Variants in ZNF217 observed in about 807,000 individuals in gnomAD.
ZNF217 encodes the protein zinc finger protein 217.
Under a neutral mutation model 73.3 loss-of-function variants are expected in ZNF217, and 12 were observed. The ratio of observed to expected loss-of-function variants is 0.16; its 90% CI spans 0.10 to 0.27. ZNF217 has a LOEUF of 0.27. ZNF217 is among the 10% of genes least tolerant of loss of function. The probability of loss-of-function intolerance (pLI) is 1.00; values close to 1 mark genes in which losing one functional copy is unlikely to be tolerated. For synonymous variants in ZNF217, 588 were observed against 516.4 expected, an observed-to-expected ratio of 1.14 and a Z score of -1.88; for missense variants, 1,195 against 1,327.8, an observed-to-expected ratio of 0.90 and a Z score of 1.55.
Position 53,569,215 on chromosome 20 carries a change from T to C in ZNF217, c.*73A>G, listed in dbSNP as rs1263646250. 1 of 1,351,590 alleles carries C rather than the reference T, an allele frequency of 7.4e-7. No individual in the cohort carries two copies. The highest frequency in any genetic ancestry group is 2.0e-5 in the Admixed American group (1 of 50,028). The allele number at this position is 1,351,590 out of a possible 1,614,324, so 83.7% of individuals were successfully genotyped here. Reference sequence around the variant, plus strand: ...CTTTCACCATTCGCTTCTCAAAGGATGAAGTAAAATTTAATTTCATGGGGA... The same window carrying C: ...CTTTCACCATTCGCTTCTCAAAGGACGAAGTAAAATTTAATTTCATGGGGA... On this transcript the variant is annotated 3_prime_UTR_variant, in exon 6 of 6. Transcript: ENST00000371471.
chr20:53,586,360 C>A (rs1279535382), intron 1 of ZNF217, among the ~76,000 whole-genome samples: 1 of 152,158 alleles, frequency 6.6e-6, no homozygotes, highest in Non-Finnish European at 1.5e-5. Flanking sequence ...CTATCAGCGA[C>A]TGCCATCTAA....
rs1461556408 is a variant in ZNF217 at position 53,576,838 on chromosome 20, T to C, written c.1926A>G (p.Arg642=). ...GAGGAGGAGTAACATCCGCCTTGGT[T>C]CTACAGATGAGGTTATTTGCCTGAG... is the stretch of plus-strand genomic sequence containing the variant. ...VETQANNLIC[R]TKADVTPPPD... is the part of the protein sequence containing the mutation. Residue 642 remains arginine (R), a synonymous_variant, in exon 4 of 6, where the codon AGA becomes AGG. Transcript: ENST00000371471. 6.2e-7 allele frequency: 1 copy of C among 1,614,218 alleles called. No homozygotes were observed. Among genetic ancestry groups the C allele is most frequent in the South Asian group, 1.1e-5 (1 of 91,086 alleles).
Position 53,582,608 on chromosome 20 carries a change from G to A in ZNF217, c.219C>T (p.Thr73=). 6.2e-7 allele frequency: 1 copy of A among 1,614,156 alleles called. No individual in the cohort carries two copies. Among genetic ancestry groups the A allele is most frequent in the South Asian group, 1.1e-5 (1 of 91,088 alleles). The change falls in exon 2 of 6, where the codon ACC becomes ACT. Residue 73 remains threonine, a synonymous_variant. Coordinates refer to ENST00000371471, the MANE Select transcript of ZNF217 (RefSeq NM_006526.3). The surrounding 1 kb of genome is among the most constrained non-coding windows in gnomAD (Gnocchi z 4.8). ...TATTAAGGTCTTCTGAATGTGTGAA[G>A]GTCTGGCTGCAGAACATGCAATCCA... ...MPLDCMFCSQ[T]FTHSEDLNKH... is the part of the protein sequence containing the mutation.
At chr20:53,570,097 T>C (rs1428428784) in intron 5 of ZNF217, among the ~76,000 whole-genome samples, 1 of 152,182 alleles carries the variant, frequency 6.6e-6, no homozygotes, top group East Asian at 1.9e-4. Flanking sequence ...TACAGGAGCA[T>C]GGCTGTTTGC....
At chr20:53,589,496 C>T (rs1196649801) in intron 1 of ZNF217, among the ~76,000 whole-genome samples, 1 of 152,170 alleles carries the variant, frequency 6.6e-6, no homozygotes, top group Non-Finnish European at 1.5e-5. Context: ...TAATATGTGG[C>T]GGCAGCTGGC....
intron 1 of ZNF217, among the ~76,000 whole-genome samples, 193 bp downstream of exon 1, chr20:53,593,563 C>A (rs574461246): frequency 2.6e-5 from 4 of 151,916 alleles, no homozygotes; most frequent in Non-Finnish European, 4.4e-5. Context: ...CACCTTCCCG[C>A]GGGCGGAAGC....
At chr20:53,574,247 T>TTGAATCCAC (rs2145930644) in intron 4 of ZNF217, 1 of 152,226 alleles carries the variant, frequency 6.6e-6, no homozygotes, top group South Asian at 2.1e-4. Context: ...CCGCAGTTGG[T>TTGAATCCAC]TGAATCCACT....
At chr20:53,571,033 G>C (rs1348653523) in intron 5 of ZNF217, among the ~76,000 whole-genome samples, 1 of 152,224 alleles carries the variant, frequency 6.6e-6, no homozygotes. Flanking sequence ...GCCCGACATT[G>C]CTGCTGCAGC....
upstream of ZNF217, among the ~76,000 whole-genome samples, chr20:53,597,296 A>C (rs569330278): frequency 6.6e-6 from 1 of 152,254 alleles, no homozygotes; most frequent in South Asian, 2.1e-4. Context: ...GCCAACATAG[A>C]TACGGGACGT....
chr20:53,592,861 A>AG (rs1356155184), intron 1 of ZNF217, among the ~76,000 whole-genome samples: 2 of 151,672 alleles, frequency 1.3e-5, no homozygotes, highest in African/African-American at 2.4e-5. Flanking sequence ...AGAAAAGAAA[A>AG]AAAAAAGCAG....
chr20:53,588,590 CTATCTA>C (rs1384794520), intron 1 of ZNF217, among the ~76,000 whole-genome samples: 10 of 26,694 alleles, frequency 3.7e-4, no homozygotes, highest in Non-Finnish European at 5.6e-4. Flanking sequence ...ATACACACAT[CTATCTA>C]TATATATATA....
chr20:53,589,024 G>C (rs566171015), intron 1 of ZNF217, among the ~76,000 whole-genome samples: 7 of 152,188 alleles, frequency 4.6e-5, no homozygotes, highest in African/African-American at 1.7e-4. Context: ...AGAAGTAAAA[G>C]TAACTATTAC....
In ZNF217 at chr20:53,576,760, C is replaced by T; in HGVS notation, c.2004G>A (p.Thr668=). ...TGTATCTGCAGTCAGCTGCGGTCTC[C>T]GTTTGCTTCTCTTTGGGGCTAACTT... ...NLEVSPKEKQ[T]ETAADCRYRP... is the part of the protein sequence containing the mutation. Residue 668 remains threonine (T), a synonymous_variant, in exon 4 of 6, where the codon ACG becomes ACA. Transcript: ENST00000371471. 1.2e-6 allele frequency: 2 copies of T among 1,614,178 alleles called. No individual in the cohort carries two copies. Among genetic ancestry groups the T allele is most frequent in the Non-Finnish European group, 1.7e-6 (2 of 1,180,028 alleles).
At chr20:53,590,522 C>T (rs1010932421) in intron 1 of ZNF217, among the ~76,000 whole-genome samples, 3 of 152,040 alleles carry the variant, frequency 2.0e-5, no homozygotes, top group Non-Finnish European at 4.4e-5. Flanking sequence ...TTTAAAGTGG[C>T]ATCTTTCAGG....
At chr20:53,583,319 T>A (rs948092885) in intron 1 of ZNF217, among the ~76,000 whole-genome samples, 151 bp from the exon 2 acceptor site, 14 of 152,242 alleles carry the variant, frequency 9.2e-5, no homozygotes, top group Admixed American at 6.5e-4. Context: ...CTGTTAAACG[T>A]GCTTGTTAAT....
intron 1 of ZNF217, among the ~76,000 whole-genome samples, chr20:53,593,166 G>C (rs1467907210): frequency 2.0e-5 from 3 of 152,032 alleles, no homozygotes; most frequent in Non-Finnish European, 2.9e-5. Context: ...GCGCGCGTCG[G>C]GGTCCGCGGC....
At chr20:53,585,402 A>G (rs1988661225) in intron 1 of ZNF217, among the ~76,000 whole-genome samples, 2 of 152,158 alleles carry the variant, frequency 1.3e-5, no homozygotes, top group Admixed American at 6.5e-5. Context: ...TCTGCTAAAA[A>G]TACAAAAATT....
Position 53,593,816 on chromosome 20 carries a change from C to T in ZNF217, c.-403G>A, listed in dbSNP as rs1988975021. On this transcript the variant is annotated 5_prime_UTR_variant, in exon 1 of 6. Coordinates refer to ENST00000371471, the MANE Select transcript of ZNF217 (RefSeq NM_006526.3). ...GCGGCGGCCGGGACTGAGCTGACAC[C>T]ACTCGGGCCGGCCGGGTTTGAATGA... The T allele has an allele frequency of 6.7e-6, 1 of 148,758 alleles. No individual in the cohort carries two copies. The highest frequency in any genetic ancestry group is 2.5e-5 in the African/African-American group (1 of 40,316). 9.2% of individuals were successfully genotyped at this position (148,758 alleles called of 1,614,324 possible). A position where few individuals can be genotyped will look rare whatever the true frequency, so the allele number is the denominator to read the frequency against.
At chr20:53,588,259 T>TA (rs1213070054) in intron 1 of ZNF217, among the ~76,000 whole-genome samples, 1 of 152,108 alleles carries the variant, frequency 6.6e-6, no homozygotes, top group Non-Finnish European at 1.5e-5. Flanking sequence ...AGTAAGAACT[T>TA]AAAGTATAAC....
Sources: gnomAD v4.1 joint callset for allele counts (sites outside exome capture counted in the v4.1 genomes callset) on GRCh38, gnomAD v4.1.1 for gene constraint, Gnocchi (gnomAD v3.1) non-coding constraint, MANE v1.5 for transcripts, NCBI Gene and HGNC (gene_info 2026-07-23, HGNC 2026-07-21) for gene names.